The following TCTN2 variants were observed in gnomAD, a reference collection of about 807,000 sequenced individuals.
TCTN2 encodes the protein tectonic family member 2.
In TCTN2, 66 loss-of-function variants were observed where a neutral mutation model predicts 83.4. The observed-to-expected ratio is 0.79, with a 90% CI of 0.65 to 0.97. The LOEUF (loss-of-function observed/expected upper bound fraction) is 0.97. Among genes scored for constraint, TCTN2 ranks in the 50% least tolerant of loss-of-function variants. The pLI is 0.00. For missense variants in TCTN2, 794 were observed against 858.1 expected (o/e 0.93, Z 0.93); for synonymous variants, 301 against 326.7 (o/e 0.92, Z 0.85).
chr12:123,691,318 C>G (rs1385380047), intron 8 of TCTN2, among the ~76,000 whole-genome samples: 1 of 152,200 alleles, frequency 6.6e-6, no homozygotes, highest in Non-Finnish European at 1.5e-5. Context: ...CCTCTTCCCT[C>G]AGCTCCTGGC....
At chr12:123,696,518 A>G in intron 12 of TCTN2, 23 bp downstream of exon 12, 1 of 1,603,120 alleles carries the variant, frequency 6.2e-7, no homozygotes, top group Non-Finnish European at 8.5e-7. Context: ...GGTCATTATG[A>G]TTAGCCCTTT....
Position 123,696,499 on chromosome 12 carries a change from A to G in TCTN2, c.1393+4A>G. ...ACTTTACATCTTTGGCAATCGGGTA[A>G]TCCGGTTTGGTCATTATGATTAGCC... On this transcript the variant is annotated splice_donor_region_variant and intron_variant, in intron 12 of 17. Transcript: ENST00000303372. The G allele has an allele frequency of 6.2e-7, 1 of 1,613,684 alleles. No individual in the cohort carries two copies. Among genetic ancestry groups the G allele is most frequent in the East Asian group, 2.2e-5 (1 of 44,878 alleles).
intron 14 of TCTN2, among the ~76,000 whole-genome samples, chr12:123,700,495 CAAT>C (rs1183573468): frequency 6.6e-5 from 10 of 152,146 alleles, no homozygotes; most frequent in Non-Finnish European, 1.5e-4. Flanking sequence ...TGCAATGGCA[CAAT>C]CTCGGCTCAC....
intron 17 of TCTN2, 39 bp downstream of exon 17, chr12:123,707,112 T>G: frequency 6.3e-7 from 1 of 1,583,324 alleles, no homozygotes; most frequent in Non-Finnish European, 8.7e-7. Context: ...TTATGTTATG[T>G]CAATTTAAAA....
chr12:123,705,196 C>G (rs942676416), intron 15 of TCTN2, among the ~76,000 whole-genome samples: 7 of 134,528 alleles, frequency 5.2e-5, no homozygotes, highest in Admixed American at 1.6e-4. Context: ...CAGAGTCTTG[C>G]TCCGTCTCCA....
At chr12:123,696,806 T>C (rs1281608038) in intron 12 of TCTN2, 1 of 528,634 alleles carries the variant, frequency 1.9e-6, no homozygotes, top group Admixed American at 3.1e-5. Context: ...GACATGAAAA[T>C]AACTTCGTTC....
Position 123,673,768 on chromosome 12 carries a change from G to T in TCTN2, c.421G>T (p.Val141Leu). 6.2e-7 allele frequency: 1 copy of T among 1,614,226 alleles called. No individual in the cohort carries two copies. Among genetic ancestry groups the T allele is most frequent in the Non-Finnish European group, 8.5e-7 (1 of 1,180,052 alleles). The change falls in exon 4 of 18, where the codon GTG (valine) becomes TTG (leucine). Residue 141 changes from valine (V) to leucine (L), a missense_variant. By Grantham distance (32) the Val-to-Leu change is conservative. Coordinates refer to ENST00000303372, the MANE Select transcript of TCTN2 (RefSeq NM_024809.5). ...CTGTTCAGCACATCTACTCATTCAA[G>T]TGGAAATTTATGCCAACTCTTCTCT... ...SSCSAHLLIQVEIYANSSLTH... is the reference protein window; with the variant it reads ...SSCSAHLLIQLEIYANSSLTH...
At chr12:123,698,756 T>C (rs1397873826) in intron 13 of TCTN2, among the ~76,000 whole-genome samples, 3 of 152,178 alleles carry the variant, frequency 2.0e-5, no homozygotes, top group Non-Finnish European at 4.4e-5. Flanking sequence ...ACACGTTTTA[T>C]CTGTTACATA....
rs983291114 is a variant in TCTN2, at chr12:123,708,007, CTTTTTTTTTTT to C, written c.*307_*317del. 5 of 214,260 alleles carry C rather than the reference CTTTTTTTTTTT, an allele frequency of 2.3e-5. No homozygotes were observed. In the East Asian group the frequency reaches 3.6e-4, roughly 15 times the overall value. The allele number at this position is 214,260 out of a possible 1,614,324, so 13.3% of individuals were successfully genotyped here. ...ACAGGCATGAGCCACCGCACCCGGC[CTTTTTTTTTTT>C]TTTTTTTTTTTTGAGGCGGGGTCTC... On this transcript the variant is annotated 3_prime_UTR_variant, in exon 18 of 18. Coordinates refer to ENST00000303372, the MANE Select transcript of TCTN2 (RefSeq NM_024809.5).
chr12:123,690,153 G>C (rs1266190239), intron 7 of TCTN2, among the ~76,000 whole-genome samples: 1 of 152,160 alleles, frequency 6.6e-6, no homozygotes, highest in African/African-American at 2.4e-5. Context: ...TGGGAAGAAA[G>C]CATGGGAGGT....
At chr12:123,681,268 A>G (rs1955896534) in intron 5 of TCTN2, among the ~76,000 whole-genome samples, 1 of 151,982 alleles carries the variant, frequency 6.6e-6, no homozygotes, top group East Asian at 1.9e-4. Flanking sequence ...AAAAAAAAGA[A>G]AGAAAGAAAG....
chr12:123,691,738 G>GT (rs200937264), intron 8 of TCTN2, among the ~76,000 whole-genome samples: 52,578 of 147,740 alleles, frequency 0.36, 9,762 homozygotes, highest in African/African-American at 0.41. Flanking sequence ...TTGTTTTTTT[G>GT]GTTTTTTTTT....
chr12:123,707,545 A>T, intron 17 of TCTN2, 59 bp from the exon 18 acceptor site: 1 of 1,508,510 alleles, frequency 6.6e-7, no homozygotes, highest in Non-Finnish European at 9.2e-7. Context: ...GCCTATACCT[A>T]CACTGTTATC....
Position 123,704,640 on chromosome 12 carries a change from G to C in TCTN2, c.1721G>C (p.Gly574Ala). Residue 574 changes from glycine to alanine, a missense_variant, in exon 15 of 18, where the codon GGC (glycine) becomes GCC (alanine). Gly to Ala is a moderately conservative substitution (Grantham distance 60). Transcript: ENST00000303372. Reference sequence around the variant, plus strand: ...ATCCGCATCCTCATCTCGGATGCTGGCGCGGTGGAAGGGATTACTCAGCAG... The same window carrying C: ...ATCCGCATCCTCATCTCGGATGCTGCCGCGGTGGAAGGGATTACTCAGCAG... The part of the protein sequence containing the change: ...LSIRILISDA[G>A]AVEGITQQEI... The C allele has an allele frequency of 6.2e-7, 1 of 1,613,020 alleles. No individual in the cohort carries two copies. The highest frequency in any genetic ancestry group is 8.5e-7 in the Non-Finnish European group (1 of 1,179,886).
chr12:123,671,711 C>T (rs561240315), intron 2 of TCTN2, 97 bp downstream of exon 2: 1 of 1,037,304 alleles, frequency 9.6e-7, no homozygotes, highest in African/African-American at 1.6e-5. Context: ...CCCCCTGCCT[C>T]TGTTCTCTGC....
In TCTN2 at chr12:123,688,031, C is replaced by A. The variant is rs751731961; in HGVS notation, c.765-20C>A. 12 of 1,613,206 alleles carry A rather than the reference C, an allele frequency of 7.4e-6. No individual in the cohort carries two copies. The highest frequency in any genetic ancestry group is 1.3e-5 in the African/African-American group (1 of 74,872). Reference sequence around the variant, plus strand: ...TTAGCAGATAACTGAAACTATTCAGCCTTTCTTATTGATTTTCAGTTCCCC... The same window carrying A: ...TTAGCAGATAACTGAAACTATTCAGACTTTCTTATTGATTTTCAGTTCCCC... On this transcript the variant is annotated intron_variant, in intron 6 of 17. Coordinates refer to ENST00000303372, the MANE Select transcript of TCTN2 (RefSeq NM_024809.5).
rs541966085 is a variant in TCTN2, at chr12:123,707,781, G to C, written c.*68G>C. Reference sequence around the variant, plus strand: ...TTGTTGCCCAGGCTGAAGTGATCTCGGCTCACCACAACCTCCTCCTCTTGG... The same window carrying C: ...TTGTTGCCCAGGCTGAAGTGATCTCCGCTCACCACAACCTCCTCCTCTTGG... On this transcript the variant is annotated 3_prime_UTR_variant, in exon 18 of 18. Coordinates refer to ENST00000303372, the MANE Select transcript of TCTN2 (RefSeq NM_024809.5). 8.5e-5 allele frequency: 104 copies of C among 1,224,588 alleles called. No homozygotes were observed. The highest frequency in any genetic ancestry group is 1.2e-4 in the Non-Finnish European group (99 of 830,188). The allele number at this position is 1,224,588 out of a possible 1,614,324, so 75.9% of individuals were successfully genotyped here. A position where few individuals can be genotyped will look rare whatever the true frequency, so the allele number is the denominator to read the frequency against.
At chr12:123,687,073 T>G in intron 6 of TCTN2, 38 bp downstream of exon 6, 1 of 1,612,322 alleles carries the variant, frequency 6.2e-7, no homozygotes, top group Non-Finnish European at 8.5e-7. Context: ...GGGGCATTGT[T>G]CTCCCGCCCT....
intron 9 of TCTN2, 130 bp downstream of exon 9, chr12:123,692,853 G>A: frequency 1.3e-6 from 1 of 775,888 alleles, no homozygotes; most frequent in South Asian, 1.5e-5. Flanking sequence ...AGAAAGATCT[G>A]CCAGGAACAT....
Sources: allele counts gnomAD v4.1 joint callset (sites outside exome capture counted in the v4.1 genomes callset), GRCh38; gene constraint gnomAD v4.1.1; transcripts MANE v1.5; gene names NCBI Gene and HGNC (gene_info 2026-07-23, HGNC 2026-07-21).